DRC8: variants seen among roughly 807,000 people sequenced by gnomAD.
DRC8 encodes the protein dynein regulatory complex protein 8.
chr1:245,020,613 C>CTTT, the DRC8 span, among the ~76,000 whole-genome samples: 222 of 59,420 alleles, frequency 3.7e-3, 1 homozygote, highest in East Asian at 0.016. Context: ...GTTTTTCTTT[C>CTTT]TTTTTTTTTT....
At chr1:245,002,358 C>G in the DRC8 span, 5 of 718,732 alleles carry the variant, frequency 7.0e-6, no homozygotes, top group Non-Finnish European at 1.2e-5. Flanking sequence ...ATACTCCCTA[C>G]TCTATAAATC....
chr1:245,083,343 A>G, the DRC8 span: 2 of 1,084,078 alleles, frequency 1.8e-6, no homozygotes, highest in South Asian at 2.7e-5. Flanking sequence ...CTTCCATGAA[A>G]CTGGTCCCTG....
At chr1:245,038,214 T>A in the DRC8 span, among the ~76,000 whole-genome samples, 1 of 152,190 alleles carries the variant, frequency 6.6e-6, no homozygotes, top group Admixed American at 6.5e-5. Flanking sequence ...CTCACACCTG[T>A]AATCCCAGCA....
the DRC8 span, among the ~76,000 whole-genome samples, chr1:245,119,277 A>G: frequency 2.6e-5 from 4 of 152,204 alleles, no homozygotes; most frequent in Admixed American, 1.3e-4. Flanking sequence ...ATGAAGTGAA[A>G]TGCAACATTA....
At chr1:245,059,946 G>A in the DRC8 span, among the ~76,000 whole-genome samples, 1 of 152,208 alleles carries the variant, frequency 6.6e-6, no homozygotes, top group Admixed American at 6.5e-5. Context: ...ATAAGGCAGT[G>A]GATGAGCAGC....
the DRC8 span, among the ~76,000 whole-genome samples, chr1:245,028,008 C>T: frequency 1.3e-5 from 2 of 152,030 alleles, no homozygotes; most frequent in Non-Finnish European, 2.9e-5. Context: ...CCTCCTGCCT[C>T]AGCCTCCTGA....
the DRC8 span, among the ~76,000 whole-genome samples, chr1:245,024,510 G>T: frequency 3.7e-4 from 56 of 151,360 alleles, no homozygotes; most frequent in African/African-American, 1.3e-3. Context: ...GTGAAAAATA[G>T]AAACTCAGTG....
At chr1:245,115,082 G>A in the DRC8 span, among the ~76,000 whole-genome samples, 6 of 151,756 alleles carry the variant, frequency 4.0e-5, no homozygotes, top group African/African-American at 1.2e-4. Context: ...ACAGGGTCTC[G>A]CTCTGTCATC....
the DRC8 span, chr1:245,017,297 C>T: frequency 6.2e-7 from 1 of 1,608,814 alleles, no homozygotes. Context: ...AAGTCTTTGA[C>T]CATGAGTCGA....
the DRC8 span, among the ~76,000 whole-genome samples, chr1:245,007,616 G>A: frequency 6.6e-6 from 1 of 152,272 alleles, no homozygotes; most frequent in South Asian, 2.1e-4. Flanking sequence ...TTAGGCGGTG[G>A]GTATAGAGTT....
chr1:245,033,304 C>G, the DRC8 span, among the ~76,000 whole-genome samples: 1 of 152,202 alleles, frequency 6.6e-6, no homozygotes, highest in East Asian at 1.9e-4. Context: ...CTTTTCATAA[C>G]AAAGCTTTCC....
chr1:245,043,546 G>T, the DRC8 span, among the ~76,000 whole-genome samples: 1 of 152,100 alleles, frequency 6.6e-6, no homozygotes, highest in African/African-American at 2.4e-5. Context: ...CCAAAATTGA[G>T]GAGTTAGCGT....
the DRC8 span, among the ~76,000 whole-genome samples, chr1:245,024,963 T>C: frequency 2.5e-4 from 38 of 152,338 alleles, no homozygotes; most frequent in South Asian, 2.1e-3. Flanking sequence ...TTATTGATCT[T>C]TTTCTATATG....
chr1:245,067,122 T>C, the DRC8 span, among the ~76,000 whole-genome samples: 1 of 152,130 alleles, frequency 6.6e-6, no homozygotes, highest in Non-Finnish European at 1.5e-5. Context: ...CAATGGCATT[T>C]ATTTACTTAT....
At chr1:245,119,282 A>G in the DRC8 span, among the ~76,000 whole-genome samples, 2 of 152,204 alleles carry the variant, frequency 1.3e-5, no homozygotes, top group African/African-American at 4.8e-5. Flanking sequence ...GTGAAATGCA[A>G]CATTAAGGGT....
chr1:245,117,563 A>T, the DRC8 span, among the ~76,000 whole-genome samples: 1 of 151,918 alleles, frequency 6.6e-6, no homozygotes, highest in Non-Finnish European at 1.5e-5. Flanking sequence ...AGCTGGGATT[A>T]CAGGCGTGCA....
chr1:245,000,780 CAAAA>C, the DRC8 span, among the ~76,000 whole-genome samples: 1 of 145,008 alleles, frequency 6.9e-6, no homozygotes, highest in Admixed American at 6.9e-5. Context: ...GACTCCATCT[CAAAA>C]AAAAAAAAAA....
chr1:244,980,815 G>A, the DRC8 span, among the ~76,000 whole-genome samples: 7 of 152,132 alleles, frequency 4.6e-5, no homozygotes, highest in Non-Finnish European at 8.8e-5. Flanking sequence ...GTGTTGGATC[G>A]CTTGAATGTA....
the DRC8 span, among the ~76,000 whole-genome samples, chr1:245,007,460 G>A: frequency 6.6e-6 from 1 of 152,160 alleles, no homozygotes; most frequent in African/African-American, 2.4e-5. Flanking sequence ...TGTCATAATA[G>A]CATTGGGATT....
Sources: allele counts gnomAD v4.1 joint callset (sites outside exome capture counted in the v4.1 genomes callset), GRCh38; gene constraint gnomAD v4.1.1; transcripts MANE v1.5; gene names NCBI Gene and HGNC (gene_info 2026-07-23, HGNC 2026-07-21).